Variants in SLC25A47 observed in about 807,000 individuals in gnomAD.
SLC25A47 encodes the protein solute carrier family 25 member 47.
SLC25A47 carries 30 observed loss-of-function variants against 29.8 expected under a neutral mutation model. The observed-to-expected ratio is 1.01, with a 90% CI of 0.75 to 1.36. The LOEUF is 1.36. Ranked by LOEUF, SLC25A47 falls within the 40% of genes most tolerant of loss-of-function variation. The pLI is 0.00. For missense variants in SLC25A47, 430 were observed against 441.9 expected (o/e 0.97, Z 0.24); for synonymous variants, 204 against 197.8 (o/e 1.03, Z -0.26).
Position 100,329,828 on chromosome 14 carries a change from G to T in SLC25A47, c.*183G>T. ...TCGCCCTGCCCAGCTACTGACCTCA[G>T]GTCGAGGGGCCCGCCAGCCATCAGC... On this transcript the variant is annotated 3_prime_UTR_variant, in exon 6 of 6. Coordinates refer to ENST00000361529, the MANE Select transcript of SLC25A47 (RefSeq NM_207117.4). The T allele has an allele frequency of 1.2e-6, 1 of 852,098 alleles. No individual in the cohort carries two copies. The highest frequency in any genetic ancestry group is 1.8e-6 in the Non-Finnish European group (1 of 568,976). 52.8% of individuals were successfully genotyped at this position (852,098 alleles called of 1,614,324 possible). A position where few individuals can be genotyped will look rare whatever the true frequency, so the allele number is the denominator to read the frequency against.
Position 100,326,176 on chromosome 14 carries a change from CA to C in SLC25A47, c.95del (p.Lys32SerfsTer81). Reference protein sequence around the residue: ...DTVKVRIQTEPKYTGIWHCVR... With the variant: ...DTVKVRIQTEXKYTGIWHCVR... Reference sequence around the variant, plus strand: ...CTGCAGGTCAGGATCCAGACGGAGCCAAAGTACACAGGCATCTGGCACTGCG... The same window carrying C: ...CTGCAGGTCAGGATCCAGACGGAGCCAAGTACACAGGCATCTGGCACTGCG... On this transcript the variant is annotated frameshift_variant, in exon 3 of 6. Transcript: ENST00000361529. LOFTEE classifies it high-confidence loss of function. 1 of 1,613,806 alleles carries C rather than the reference CA, an allele frequency of 6.2e-7. No homozygotes were observed.
rs767717001 is a variant in SLC25A47, at chr14:100,326,221, G to A, written c.137G>A (p.Arg46Gln). Reference sequence around the variant, plus strand: ...CACTGCGTCCGGGATACGTATCACCGAGAGCGCGTAGGTCTGGGGCCAGGG... The same window carrying A: ...CACTGCGTCCGGGATACGTATCACCAAGAGCGCGTAGGTCTGGGGCCAGGG... ...IWHCVRDTYH[R>Q]ERVWGFYRGL... Residue 46 changes from arginine (R) to glutamine (Q), a missense_variant, in exon 3 of 6, where the codon CGA (arginine) becomes CAA (glutamine). Coordinates refer to ENST00000361529, the MANE Select transcript of SLC25A47 (RefSeq NM_207117.4). 11 of 1,613,722 alleles carry A rather than the reference G, an allele frequency of 6.8e-6. No homozygotes were observed. The highest frequency in any genetic ancestry group is 2.2e-5 in the East Asian group (1 of 44,884).
At chr14:100,324,766 G>A (rs928277508) in intron 1 of SLC25A47, among the ~76,000 whole-genome samples, 6 of 152,294 alleles carry the variant, frequency 3.9e-5, no homozygotes, top group South Asian at 2.1e-4. Context: ...TGGAGGTGGC[G>A]GTGGCATACA....
At position 100,325,814 on chromosome 14, in the gene SLC25A47, C is replaced by G. The variant is rs779181320; in HGVS notation, c.55C>G (p.Pro19Ala). 3 of 1,612,740 alleles carry G rather than the reference C, an allele frequency of 1.9e-6. No individual in the cohort carries two copies. The highest frequency in any genetic ancestry group is 2.5e-6 in the Non-Finnish European group (3 of 1,179,366). Residue 19 changes from proline to alanine, a missense_variant, in exon 2 of 6, where the codon CCC becomes GCC. Coordinates refer to ENST00000361529, the MANE Select transcript of SLC25A47 (RefSeq NM_207117.4). Reference protein sequence around the residue: ...GGVCGVAVGYPLDTVKVRIQT... With the variant: ...GGVCGVAVGYALDTVKVRIQT... Reference sequence around the variant, plus strand: ...CGTCTGCGGTGTTGCTGTGGGCTACCCCCTGGACACGGTGAAGGTGCGGCA... The same window carrying G: ...CGTCTGCGGTGTTGCTGTGGGCTACGCCCTGGACACGGTGAAGGTGCGGCA...
intron 5 of SLC25A47, 21 bp downstream of exon 5, chr14:100,329,065 G>A (rs1368341019): frequency 3.1e-6 from 5 of 1,594,412 alleles, no homozygotes; most frequent in Non-Finnish European, 4.2e-6. Context: ...GCTGGAACCT[G>A]GCAGGGCGGG....
chr14:100,328,923 G>T lies in SLC25A47; in HGVS notation c.525G>T (p.Leu175=). Residue 175 remains leucine (L), a synonymous_variant, in exon 5 of 6, where the codon CTG becomes CTT. Transcript: ENST00000361529. ...CCACGGTAGCCCGTGAGGAGGGGCTGTGCGGCCTCTACAAGGGCAGCTCGG... is the reference window on the plus strand; with the variant it reads ...CCACGGTAGCCCGTGAGGAGGGGCTTTGCGGCCTCTACAAGGGCAGCTCGG... The part of the protein sequence containing the change: ...CLATVAREEG[L]CGLYKGSSAL... The T allele has an allele frequency of 6.2e-7, 1 of 1,608,552 alleles. No homozygotes were observed. The highest frequency in any genetic ancestry group is 8.5e-7 in the Non-Finnish European group (1 of 1,179,858).
chr14:100,329,690 G>T lies in SLC25A47; in HGVS notation c.*45G>T. 6.4e-7 allele frequency: 1 copy of T among 1,574,786 alleles called. No homozygotes were observed. Among genetic ancestry groups the T allele is most frequent in the Non-Finnish European group, 8.6e-7 (1 of 1,161,128 alleles). On this transcript the variant is annotated 3_prime_UTR_variant, in exon 6 of 6. Transcript: ENST00000361529. ...GCCCACCCACCAGCAGCTGCTGGAG[G>T]TCGTAGTGGCTGGAGGAGGCAAGGG... is the stretch of plus-strand genomic sequence containing the variant.
Position 100,329,051 on chromosome 14 carries a change from AG to A in SLC25A47, c.646+11del. 1.3e-6 allele frequency: 2 copies of A among 1,598,012 alleles called. No homozygotes were observed. Among genetic ancestry groups the A allele is most frequent in the Non-Finnish European group, 1.7e-6 (2 of 1,179,382 alleles). On this transcript the variant is annotated splice_region_variant and intron_variant, in intron 5 of 5. Transcript: ENST00000361529. ...GCTGGCCACAGCCGGCCAGGTGAGC[AG>A]GGGCTGGAACCTGGCAGGGCGGGGA...
At chr14:100,326,112 C>T (rs759322179) in intron 2 of SLC25A47, 45 bp from the exon 3 acceptor site, 34 of 1,543,810 alleles carry the variant, frequency 2.2e-5, no homozygotes, top group Non-Finnish European at 3.0e-5. Flanking sequence ...CTGGCCTTGC[C>T]CTAGGCCTGG....
At chr14:100,324,717 G>A (rs1288886838) in intron 1 of SLC25A47, among the ~76,000 whole-genome samples, 1 of 152,236 alleles carries the variant, frequency 6.6e-6, no homozygotes, top group African/African-American at 2.4e-5. Context: ...GGGTCATGGG[G>A]TGTCAGCCCT....
chr14:100,323,553 A>AC (rs1893285728), intron 1 of SLC25A47, 111 bp downstream of exon 1: 5 of 1,286,998 alleles, frequency 3.9e-6, no homozygotes, highest in East Asian at 2.4e-5. Context: ...GGAGCCCCTC[A>AC]CCCCCCAGGA....
chr14:100,329,742 C>T lies in SLC25A47; in HGVS notation c.*97C>T. The T allele has an allele frequency of 6.9e-7, 1 of 1,452,872 alleles. No individual in the cohort carries two copies. The highest frequency in any genetic ancestry group is 1.3e-5 in the South Asian group (1 of 76,682). 90.0% of individuals were successfully genotyped at this position (1,452,872 alleles called of 1,614,324 possible). Reference sequence around the variant, plus strand: ...TAGTGTGGCTGGGTTCGGGACCCCACAGGGCCATTGCCCAGGAGAATGAGG... The same window carrying T: ...TAGTGTGGCTGGGTTCGGGACCCCATAGGGCCATTGCCCAGGAGAATGAGG... On this transcript the variant is annotated 3_prime_UTR_variant, in exon 6 of 6. Transcript: ENST00000361529.
In SLC25A47 at chr14:100,327,279, C is replaced by T. The variant is rs200641417; in HGVS notation, c.236C>T (p.Ala79Val). Reference protein sequence around the residue: ...VSFGTYRHCLAHICRLRYGNP... With the variant: ...VSFGTYRHCLVHICRLRYGNP... ...TTTGGCACCTACCGCCACTGCCTGGCGCACATCTGCCGGCTCCGGTACGGC... is the reference window on the plus strand; with the variant it reads ...TTTGGCACCTACCGCCACTGCCTGGTGCACATCTGCCGGCTCCGGTACGGC... The change falls in exon 4 of 6, where the codon GCG becomes GTG. Residue 79 changes from alanine to valine, a missense_variant. By Grantham distance (64) the Ala-to-Val change is moderately conservative (BLOSUM62 0). Transcript: ENST00000361529. The T allele has an allele frequency of 5.9e-5, 95 of 1,606,860 alleles. 1 individual carries two copies. The South Asian group carries it at 7.0e-4, about 12-fold the overall frequency.
intron 3 of SLC25A47, 42 bp downstream of exon 3, chr14:100,326,270 G>T: frequency 6.3e-7 from 1 of 1,582,182 alleles, no homozygotes; most frequent in Non-Finnish European, 8.7e-7. Context: ...ACAGGGAGGG[G>T]ATGCTGGGCC....
chr14:100,328,579 G>A (rs1406229144), intron 4 of SLC25A47, 147 bp from the exon 5 acceptor site: 42 of 776,238 alleles, frequency 5.4e-5, no homozygotes, highest in Admixed American at 3.3e-4. Flanking sequence ...TTTGGGCCCC[G>A]TGGCCCCCCA....
At chr14:100,329,125 A>G in intron 5 of SLC25A47, 81 bp downstream of exon 5, 5 of 1,475,582 alleles carry the variant, frequency 3.4e-6, no homozygotes, top group Non-Finnish European at 3.6e-6. Context: ...GCCCGCCAGT[A>G]CCCGAGTGGG....
At chr14:100,323,861 G>A (rs886686387) in intron 1 of SLC25A47, among the ~76,000 whole-genome samples, 36 of 152,262 alleles carry the variant, frequency 2.4e-4, no homozygotes, top group African/African-American at 8.4e-4. Context: ...GGACTGGAAG[G>A]GGCGGGCAGA....
Position 100,329,479 on chromosome 14 carries a change from G to A in SLC25A47, c.761G>A (p.Arg254His), listed in dbSNP as rs771529114. Residue 254 changes from arginine (R) to histidine (H), a missense_variant, in exon 6 of 6, where the codon CGC (arginine) becomes CAC (histidine). Coordinates refer to ENST00000361529, the MANE Select transcript of SLC25A47 (RefSeq NM_207117.4). ...CAGGCAGACGGGCAGGGCCAGAGGCGCTACCGGGGTCTCCTGCACTGTATG... is the reference window on the plus strand; with the variant it reads ...CAGGCAGACGGGCAGGGCCAGAGGCACTACCGGGGTCTCCTGCACTGTATG... ...RLQADGQGQR[R>H]YRGLLHCMVT... The A allele has an allele frequency of 1.7e-5, 28 of 1,613,292 alleles. No individual in the cohort carries two copies. Among genetic ancestry groups the A allele is most frequent in the Non-Finnish European group, 2.2e-5 (26 of 1,180,006 alleles).
chr14:100,325,306 C>T (rs546995214), intron 1 of SLC25A47, among the ~76,000 whole-genome samples: 1 of 152,356 alleles, frequency 6.6e-6, no homozygotes, highest in East Asian at 1.9e-4. Flanking sequence ...TCCTCCTGGC[C>T]TTTGCCCAGG....
Sources: gnomAD v4.1 joint callset for allele counts (sites outside exome capture counted in the v4.1 genomes callset) on GRCh38, gnomAD v4.1.1 for gene constraint, MANE v1.5 for transcripts, NCBI Gene and HGNC (gene_info 2026-07-23, HGNC 2026-07-21) for gene names.